Variants in CARMIL1 observed in about 807,000 individuals in gnomAD.
CARMIL1 encodes F-actin-uncapping protein LRRC16A.
In CARMIL1, 90 loss-of-function variants were observed where a neutral mutation model predicts 177.1. The ratio of observed to expected loss-of-function variants is 0.51; its 90% CI spans 0.43 to 0.61. The LOEUF (loss-of-function observed/expected upper bound fraction) is 0.61. Ranked by LOEUF, CARMIL1 falls within the 20% of genes least tolerant of loss-of-function variation. The probability of loss-of-function intolerance (pLI) is 0.00; values close to 1 mark genes in which losing one functional copy is unlikely to be tolerated. For missense variants in CARMIL1, 1,380 were observed against 1,667.0 expected, an observed-to-expected ratio of 0.83 and a Z score of 3.00; for synonymous variants, 577 against 606.2, an observed-to-expected ratio of 0.95 and a Z score of 0.71.
intron 2 of CARMIL1, among the ~76,000 whole-genome samples, chr6:25,406,842 G>A (rs1483550636): frequency 6.6e-6 from 1 of 152,182 alleles, no homozygotes; most frequent in African/African-American, 2.4e-5. Flanking sequence ...CAATAGATCT[G>A]ATGATCGGAG....
intron 5 of CARMIL1, among the ~76,000 whole-genome samples, chr6:25,444,023 G>A (rs1254431080): frequency 6.6e-6 from 1 of 151,986 alleles, no homozygotes; most frequent in East Asian, 1.9e-4. Flanking sequence ...GGCTGCTCTC[G>A]AACTCCCGAC....
chr6:25,446,433 C>T (rs1323467609), intron 5 of CARMIL1, among the ~76,000 whole-genome samples: 1 of 152,212 alleles, frequency 6.6e-6, no homozygotes, highest in African/African-American at 2.4e-5. Flanking sequence ...GACAACTTTC[C>T]TTAAACCTCA....
chr6:25,443,170 C>G (rs1048293637), intron 5 of CARMIL1, among the ~76,000 whole-genome samples: 4 of 152,162 alleles, frequency 2.6e-5, no homozygotes, highest in Non-Finnish European at 4.4e-5. Flanking sequence ...CAAGGTTTAC[C>G]TAATTGAGTT....
intron 2 of CARMIL1, among the ~76,000 whole-genome samples, chr6:25,309,930 C>A (rs570362111): frequency 6.6e-6 from 1 of 151,946 alleles, no homozygotes; most frequent in South Asian, 2.1e-4. Context: ...CCACCGCACC[C>A]GGCTAATTTT....
chr6:25,401,280 A>AC, intron 2 of CARMIL1, among the ~76,000 whole-genome samples: 1 of 51,810 alleles, frequency 1.9e-5, no homozygotes, highest in South Asian at 7.4e-4. Flanking sequence ...TTTTATACAC[A>AC]AACACACACA....
intron 4 of CARMIL1, among the ~76,000 whole-genome samples, chr6:25,431,899 A>T (rs2150749070): frequency 6.6e-6 from 1 of 152,344 alleles, no homozygotes; most frequent in South Asian, 2.1e-4. Context: ...AGATGAAATT[A>T]TAGTGAACAT....
intron 2 of CARMIL1, among the ~76,000 whole-genome samples, chr6:25,405,608 G>A (rs1431496057): frequency 6.6e-6 from 1 of 152,214 alleles, no homozygotes; most frequent in Non-Finnish European, 1.5e-5. Flanking sequence ...ATGAATTTGT[G>A]AATGAGGAAG....
intron 27 of CARMIL1, among the ~76,000 whole-genome samples, chr6:25,551,442 G>A (rs774317243): frequency 2.6e-4 from 39 of 152,120 alleles, no homozygotes; most frequent in Middle Eastern, 6.8e-3. Flanking sequence ...GCTTTTTACC[G>A]TCATACACTG....
chr6:25,284,928 T>G lies in CARMIL1; in HGVS notation c.138+19T>G, dbSNP rs376992381. 1.4e-6 allele frequency: 2 copies of G among 1,390,424 alleles called. No homozygotes were observed. 86.1% of individuals were successfully genotyped at this position (1,390,424 alleles called of 1,614,324 possible). ...AGTGCTGGTAAGTATTGCTGTTTAT[T>G]TTTATTAAATGTTTGGAAATGAAAG... On this transcript the variant is annotated intron_variant, in intron 2 of 36. Coordinates refer to ENST00000329474, the MANE Select transcript of CARMIL1 (RefSeq NM_017640.6).
intron 8 of CARMIL1, chr6:25,451,985 T>TGGGGGGGGGGC: frequency 9.5e-6 from 1 of 105,384 alleles, no homozygotes; most frequent in East Asian, 2.4e-4. Flanking sequence ...ACTAGCATCT[T>TGGGGGGGGGGC]GCCCCCCCCT....
intron 2 of CARMIL1, among the ~76,000 whole-genome samples, chr6:25,329,939 T>G (rs1785458950): frequency 6.6e-6 from 1 of 152,224 alleles, no homozygotes; most frequent in Admixed American, 6.5e-5. Flanking sequence ...AGTTGTTTAA[T>G]GATGAACTTG....
intron 2 of CARMIL1, among the ~76,000 whole-genome samples, chr6:25,308,498 C>T (rs1469977005): frequency 6.6e-6 from 1 of 151,404 alleles, no homozygotes; most frequent in Non-Finnish European, 1.5e-5. Flanking sequence ...TCTCCTGCCT[C>T]AGCCTCCCGA....
At chr6:25,597,805 C>G (rs1183288103) in intron 32 of CARMIL1, among the ~76,000 whole-genome samples, 1 of 152,196 alleles carries the variant, frequency 6.6e-6, no homozygotes. Context: ...CTGAGAAAGA[C>G]AGTTTGGAAA....
At chr6:25,424,330 T>C (rs1045447590) in intron 3 of CARMIL1, among the ~76,000 whole-genome samples, 4 of 152,198 alleles carry the variant, frequency 2.6e-5, no homozygotes, top group Non-Finnish European at 4.4e-5. Flanking sequence ...CTTTCCTGGC[T>C]CCCCAGCACT....
At position 25,326,814 on chromosome 6, in the gene CARMIL1, ATATTAT is replaced by A. The variant is rs200770413; in HGVS notation, c.138+41917_138+41922del. Among the ~76,000 whole-genome samples, 1,785 of 152,002 alleles carry A rather than the reference ATATTAT, an allele frequency of 0.012. 38 individuals carry two copies. The highest frequency in any genetic ancestry group is 0.041 in the African/African-American group (1,689 of 41,418). ...GCTGAGGAAAAAGGAGAAATCAGAAATATTATTATTATTATTAATGTTTCAAGACGG... is the reference window on the plus strand; with the variant it reads ...GCTGAGGAAAAAGGAGAAATCAGAAATATTATTATTAATGTTTCAAGACGG... On this transcript the variant is annotated intron_variant, in intron 2 of 36. Coordinates refer to ENST00000329474, the MANE Select transcript of CARMIL1 (RefSeq NM_017640.6). The surrounding 1 kb of genome is among the most constrained non-coding windows in gnomAD (Gnocchi z 4.2).
chr6:25,334,596 C>T (rs1204742711), intron 2 of CARMIL1, among the ~76,000 whole-genome samples: 3 of 152,130 alleles, frequency 2.0e-5, no homozygotes, highest in Non-Finnish European at 4.4e-5. Context: ...TCATTTAAAA[C>T]CTTTTCAACT....
chr6:25,314,472 CAAA>C (rs71544634), intron 2 of CARMIL1, among the ~76,000 whole-genome samples: 2 of 115,096 alleles, frequency 1.7e-5, no homozygotes, highest in Non-Finnish European at 1.8e-5. Context: ...GATTCTGTCT[CAAA>C]AAAAAAAAAA....
chr6:25,439,582 G>T (rs1024105717), intron 5 of CARMIL1, among the ~76,000 whole-genome samples: 5 of 152,174 alleles, frequency 3.3e-5, no homozygotes, highest in Non-Finnish European at 7.3e-5. Flanking sequence ...GCAGAATGAT[G>T]CTGGGGCTGA....
rs182125650 is a variant in CARMIL1, at chr6:25,327,457, T to C, written c.138+42548T>C. On this transcript the variant is annotated intron_variant, in intron 2 of 36. Transcript: ENST00000329474. ...AAGTCAAGAATCAACTTGATTTCCA[T>C]CACAGGTTTTAGATTAGAAGAAACC... 8.8e-4 allele frequency among the ~76,000 whole-genome samples: 134 copies of C among 152,376 alleles called. 1 individual carries two copies. The highest frequency in any genetic ancestry group is 2.9e-3 in the African/African-American group (122 of 41,596).
Sources: gnomAD v4.1 joint callset for allele counts (sites outside exome capture counted in the v4.1 genomes callset) on GRCh38, gnomAD v4.1.1 for gene constraint, Gnocchi (gnomAD v3.1) non-coding constraint, MANE v1.5 for transcripts, NCBI Gene and HGNC (gene_info 2026-07-23, HGNC 2026-07-21) for gene names.